ELMO1: variants seen among roughly 807,000 people sequenced by gnomAD.
ELMO1 encodes the protein engulfment and cell motility protein 1.
Under a neutral mutation model 98.9 loss-of-function variants are expected in ELMO1, and 26 were observed. The observed-to-expected ratio is 0.26, with a 90% CI of 0.19 to 0.36. The LOEUF is 0.36. Ranked by LOEUF, ELMO1 falls within the 10% of genes least tolerant of loss-of-function variation. ELMO1 has a pLI of 1.00. For missense variants in ELMO1, 627 were observed against 935.2 expected, an observed-to-expected ratio of 0.67 and a Z score of 4.30; for synonymous variants, 346 against 346.0, an observed-to-expected ratio of 1.00 and a Z score of 0.00.
chr7:36,953,119 C>G (rs1788129571), intron 16 of ELMO1, among the ~76,000 whole-genome samples: 1 of 151,948 alleles, frequency 6.6e-6, no homozygotes, highest in Non-Finnish European at 1.5e-5. Context: ...GCACCCGCCA[C>G]CACGCCCGGC....
chr7:37,437,210 T>A (rs1031916653), intron 1 of ELMO1, among the ~76,000 whole-genome samples: 1 of 152,136 alleles, frequency 6.6e-6, no homozygotes, highest in Admixed American at 6.5e-5. Flanking sequence ...CTGTGCACCC[T>A]TGGACAAATG....
At chr7:37,141,964 A>G (rs1787671848) in intron 13 of ELMO1, among the ~76,000 whole-genome samples, 1 of 152,260 alleles carries the variant, frequency 6.6e-6, no homozygotes, top group African/African-American at 2.4e-5. Flanking sequence ...TTTAAAGAGC[A>G]TCGCTGTCCA....
chr7:36,894,791 G>A, intron 17 of ELMO1, 63 bp downstream of exon 17: 1 of 1,601,408 alleles, frequency 6.2e-7, no homozygotes, highest in South Asian at 1.1e-5. Flanking sequence ...ATGACAGGCG[G>A]TCATTCTAGA....
intron 13 of ELMO1, among the ~76,000 whole-genome samples, chr7:37,134,403 C>T (rs1007317192): frequency 6.6e-6 from 1 of 151,688 alleles, no homozygotes; most frequent in Non-Finnish European, 1.5e-5. Context: ...ACTAAAGATA[C>T]AAAAAATTAG....
At chr7:36,934,587 G>A (rs1351690826) in intron 16 of ELMO1, among the ~76,000 whole-genome samples, 1 of 152,190 alleles carries the variant, frequency 6.6e-6, no homozygotes, top group African/African-American at 2.4e-5. Context: ...TAATTGAAAT[G>A]GAAATGCAAA....
chr7:37,275,834 C>A (rs1265399672), intron 4 of ELMO1, among the ~76,000 whole-genome samples: 1 of 152,198 alleles, frequency 6.6e-6, no homozygotes, highest in Non-Finnish European at 1.5e-5. Context: ...AACTCAGAAA[C>A]AAAGGCAATG....
chr7:37,317,920 A>C (rs527277255), intron 2 of ELMO1, among the ~76,000 whole-genome samples: 1 of 152,358 alleles, frequency 6.6e-6, no homozygotes, highest in African/African-American at 2.4e-5. Context: ...CCTGTGTCAA[A>C]ACATTTCATG....
chr7:37,014,955 C>T (rs909783224), intron 15 of ELMO1, among the ~76,000 whole-genome samples: 2 of 152,046 alleles, frequency 1.3e-5, no homozygotes, highest in Admixed American at 6.5e-5. Flanking sequence ...CTGATCAAGC[C>T]TCATGGAAAC....
At chr7:37,322,925 T>G (rs1335838535) in intron 2 of ELMO1, among the ~76,000 whole-genome samples, 1 of 152,184 alleles carries the variant, frequency 6.6e-6, no homozygotes. Flanking sequence ...GTTTGGATGA[T>G]CAAAACTGCC....
At chr7:37,010,739 A>G (rs1054404298) in intron 16 of ELMO1, among the ~76,000 whole-genome samples, 1 of 152,232 alleles carries the variant, frequency 6.6e-6, no homozygotes, top group Admixed American at 6.5e-5. Flanking sequence ...ATAAATTTGC[A>G]TTGTCTAAGC....
At chr7:37,268,482 G>A (rs1279325879) in intron 5 of ELMO1, among the ~76,000 whole-genome samples, 1 of 152,144 alleles carries the variant, frequency 6.6e-6, no homozygotes, top group Non-Finnish European at 1.5e-5. Context: ...TGTATTTTTA[G>A]TAGTGATGGG....
chr7:37,001,557 A>C (rs1301447991), intron 16 of ELMO1, among the ~76,000 whole-genome samples: 2 of 152,232 alleles, frequency 1.3e-5, no homozygotes, highest in Non-Finnish European at 2.9e-5. Context: ...TTTTCCAAAA[A>C]ATTTTGAATT....
chr7:37,074,947 G>A (rs1335033585), intron 15 of ELMO1, among the ~76,000 whole-genome samples: 1 of 152,088 alleles, frequency 6.6e-6, no homozygotes, highest in African/African-American at 2.4e-5. Flanking sequence ...CTTGAATGGG[G>A]GTGAATGACT....
intron 4 of ELMO1, among the ~76,000 whole-genome samples, chr7:37,296,325 C>T (rs1200257260): frequency 6.6e-6 from 1 of 152,122 alleles, no homozygotes; most frequent in Non-Finnish European, 1.5e-5. Context: ...AGAGGTTGAT[C>T]TTAGGGCCTT....
At chr7:37,361,506 T>C (rs1008004326) in intron 1 of ELMO1, among the ~76,000 whole-genome samples, 1 of 152,232 alleles carries the variant, frequency 6.6e-6, no homozygotes, top group Non-Finnish European at 1.5e-5. Flanking sequence ...AGGTAGATCC[T>C]ACAAAGACCA....
intron 16 of ELMO1, among the ~76,000 whole-genome samples, chr7:36,922,877 CAG>C (rs1229951509): frequency 6.6e-6 from 1 of 152,186 alleles, no homozygotes; most frequent in Admixed American, 6.5e-5. Context: ...GGAAAGTGTT[CAG>C]AGTCTCCCAA....
At chr7:37,115,848 A>C (rs1785553927) in intron 14 of ELMO1, among the ~76,000 whole-genome samples, 1 of 152,196 alleles carries the variant, frequency 6.6e-6, no homozygotes, top group African/African-American at 2.4e-5. Flanking sequence ...ATTCCAAGGA[A>C]TTAATACATA....
At chr7:36,917,122 A>G (rs576225948) in intron 16 of ELMO1, among the ~76,000 whole-genome samples, 1 of 152,356 alleles carries the variant, frequency 6.6e-6, no homozygotes, top group Non-Finnish European at 1.5e-5. Flanking sequence ...TTGCTTTTAA[A>G]ATATGAATAA....
intron 15 of ELMO1, among the ~76,000 whole-genome samples, chr7:37,047,471 G>A (rs1293468783): frequency 6.6e-6 from 1 of 152,218 alleles, no homozygotes; most frequent in African/African-American, 2.4e-5. Flanking sequence ...ATATGTAAGG[G>A]AGGACTAATG....
Sources: allele counts gnomAD v4.1 joint callset (sites outside exome capture counted in the v4.1 genomes callset), GRCh38; gene constraint gnomAD v4.1.1; transcripts MANE v1.5; gene names NCBI Gene and HGNC (gene_info 2026-07-23, HGNC 2026-07-21).